The following FSD1L variants were observed in gnomAD, a reference collection of about 807,000 sequenced individuals.
FSD1L encodes the protein fibronectin type III and SPRY domain containing 1 like, also known as FSD1-like protein.
FSD1L carries 45 observed loss-of-function variants against 71.6 expected under a neutral mutation model. The ratio of observed to expected loss-of-function variants is 0.63; its 90% CI spans 0.49 to 0.81. The LOEUF (loss-of-function observed/expected upper bound fraction) is 0.81. FSD1L is among the 30% of genes least tolerant of loss of function. The pLI is 0.00. For missense variants in FSD1L, 561 were observed against 618.1 expected (o/e 0.91, Z 0.98); for synonymous variants, 197 against 207.2 (o/e 0.95, Z 0.42).
chr9:105,526,272 C>T, intron 10 of FSD1L: 1 of 1,604,962 alleles, frequency 6.2e-7, no homozygotes, highest in Non-Finnish European at 8.5e-7. Context: ...TCCAGCACCA[C>T]TTAGAACCAA....
intron 9 of FSD1L, among the ~76,000 whole-genome samples, chr9:105,510,647 T>C (rs1834339503): frequency 6.6e-6 from 1 of 152,132 alleles, no homozygotes; most frequent in South Asian, 2.1e-4. Flanking sequence ...CTCCAACATA[T>C]GAAGCACTAT....
chr9:105,523,977 G>A, intron 10 of FSD1L: 1 of 1,595,108 alleles, frequency 6.3e-7, no homozygotes, highest in South Asian at 1.1e-5. Flanking sequence ...GGGATCTTTG[G>A]TTTGCTTTCC....
intron 6 of FSD1L, among the ~76,000 whole-genome samples, chr9:105,481,539 C>G (rs1832205737): frequency 6.6e-6 from 1 of 151,852 alleles, no homozygotes; most frequent in Non-Finnish European, 1.5e-5. Flanking sequence ...GATCTGCCCA[C>G]TTCGGCCTCC....
Position 105,521,820 on chromosome 9 carries a change from G to A in FSD1L, c.1025+8884G>A, listed in dbSNP as rs1034892919. 5 of 1,612,324 alleles carry A rather than the reference G, an allele frequency of 3.1e-6. No individual in the cohort carries two copies. The African/African-American group carries it at 6.7e-5, about 22-fold the overall frequency. On this transcript the variant is annotated intron_variant, in intron 10 of 13. Transcript: ENST00000481272. ...AGCCACAGAACAAAACATACGAGCT[G>A]GTACCCAGGCAGTTTTGCAGGTGTT...
intron 6 of FSD1L, among the ~76,000 whole-genome samples, chr9:105,482,507 A>G (rs1832273929): frequency 6.6e-6 from 1 of 152,244 alleles, no homozygotes; most frequent in Non-Finnish European, 1.5e-5. Context: ...ATGAACTAAG[A>G]AAATCAAGGG....
At chr9:105,444,522 T>C (rs76017917), upstream of FSD1L, among the ~76,000 whole-genome samples, 1,650 of 152,248 alleles carry the variant, frequency 0.011, 30 homozygotes, top group African/African-American at 0.038. Context: ...TTTCAGAATA[T>C]ACGAGGTAGC....
At chr9:105,475,560 A>G (rs1831739830) in intron 5 of FSD1L, among the ~76,000 whole-genome samples, 1 of 152,172 alleles carries the variant, frequency 6.6e-6, no homozygotes, top group Non-Finnish European at 1.5e-5. Flanking sequence ...ATGTTAGGAG[A>G]GAGGAGAGGA....
intron 11 of FSD1L, among the ~76,000 whole-genome samples, 188 bp from the exon 12 acceptor site, chr9:105,534,879 G>C (rs1172880638): frequency 2.0e-5 from 3 of 152,200 alleles, no homozygotes; most frequent in Non-Finnish European, 4.4e-5. Context: ...TTCAAGAATA[G>C]TACTAAACGT....
chr9:105,507,493 T>G (rs1564123665), intron 8 of FSD1L, among the ~76,000 whole-genome samples: 1 of 152,212 alleles, frequency 6.6e-6, no homozygotes, highest in African/African-American at 2.4e-5. Context: ...ACAACAATTA[T>G]GAAGTTGGCT....
intron 10 of FSD1L, chr9:105,524,205 C>G: frequency 6.2e-7 from 1 of 1,612,274 alleles, no homozygotes; most frequent in Non-Finnish European, 8.5e-7. Flanking sequence ...TAAGGAAGCT[C>G]TGAATGTGAT....
rs1589066314 is a variant in FSD1L at position 105,520,233 on chromosome 9, G to A, written c.1025+7297G>A. 14 of 1,609,766 alleles carry A rather than the reference G, an allele frequency of 8.7e-6. No homozygotes were observed. In the East Asian group the frequency reaches 2.9e-4, roughly 33 times the overall value. Reference sequence around the variant, plus strand: ...CCTCAAGCACCTGCGCATCGTCATCGAGTTAATGGTGGAACTGGCTGAAGA... The same window carrying A: ...CCTCAAGCACCTGCGCATCGTCATCAAGTTAATGGTGGAACTGGCTGAAGA... On this transcript the variant is annotated intron_variant, in intron 10 of 13. Coordinates refer to ENST00000481272, the MANE Select transcript of FSD1L (RefSeq NM_001145313.3).
chr9:105,535,494 A>T (rs914696517), intron 12 of FSD1L, among the ~76,000 whole-genome samples, 176 bp downstream of exon 12: 1 of 152,118 alleles, frequency 6.6e-6, no homozygotes, highest in African/African-American at 2.4e-5. Context: ...GGTATATGTG[A>T]TGTCTGCCTG....
chr9:105,524,917 C>T (rs1260448710), intron 10 of FSD1L: 40 of 1,612,956 alleles, frequency 2.5e-5, no homozygotes, highest in Non-Finnish European at 3.2e-5. Context: ...TTTGAGAGTC[C>T]AAATATCCAG....
chr9:105,549,328 A>T lies in FSD1L; in HGVS notation c.*2845A>T, dbSNP rs544297499. The T allele has an allele frequency of 2.0e-5, 3 of 152,230 alleles. No individual in the cohort carries two copies. The highest frequency in any genetic ancestry group is 4.4e-5 in the Non-Finnish European group (3 of 67,944). The allele number at this position is 152,230 out of a possible 1,614,324, so 9.4% of individuals were successfully genotyped here. ...GAGCTGCCTTAAGCACTTTAGAAAA[A>T]GAATTTTTTTACAATTCATTTTGAC... On this transcript the variant is annotated 3_prime_UTR_variant, in exon 14 of 14. Transcript: ENST00000481272.
At chr9:105,519,816 G>GCGAGCGGCGGCCGCTGGAGA (rs1274363896) in intron 10 of FSD1L, among the ~76,000 whole-genome samples, 2 of 152,122 alleles carry the variant, frequency 1.3e-5, no homozygotes, top group Non-Finnish European at 2.9e-5. Flanking sequence ...GCCTGTGGCG[G>GCGAGCGGCGGCCGCTGGAGA]CGAGCGGCGG....
At chr9:105,504,183 C>T (rs1370390035) in intron 7 of FSD1L, among the ~76,000 whole-genome samples, 1 of 152,192 alleles carries the variant, frequency 6.6e-6, no homozygotes, top group African/African-American at 2.4e-5. Flanking sequence ...TCATGAATGC[C>T]TATAGTCTCT....
chr9:105,504,237 T>C (rs889059278), intron 7 of FSD1L, among the ~76,000 whole-genome samples: 12 of 152,224 alleles, frequency 7.9e-5, no homozygotes, highest in South Asian at 2.1e-4. Flanking sequence ...TATGTTTCAG[T>C]AGTAGACACT....
At chr9:105,480,351 G>A (rs1306585078) in intron 6 of FSD1L, among the ~76,000 whole-genome samples, 1 of 149,338 alleles carries the variant, frequency 6.7e-6, no homozygotes, top group Non-Finnish European at 1.5e-5. Flanking sequence ...GGAGTGCAGT[G>A]GTGCGATCTT....
intron 1 of FSD1L, among the ~76,000 whole-genome samples, chr9:105,448,785 T>C (rs1199935149): frequency 6.6e-6 from 1 of 152,204 alleles, no homozygotes; most frequent in East Asian, 1.9e-4. Context: ...TTAGTGTTCG[T>C]TGAATGGAGG....
Sources: allele counts gnomAD v4.1 joint callset (sites outside exome capture counted in the v4.1 genomes callset), GRCh38; gene constraint gnomAD v4.1.1; transcripts MANE v1.5; gene names NCBI Gene and HGNC (gene_info 2026-07-23, HGNC 2026-07-21).